Variants in SHANK2 observed in about 807,000 individuals in gnomAD.
SHANK2 encodes the protein SH3 and multiple ankyrin repeat domains 2.
SHANK2 carries 43 observed loss-of-function variants against 133.7 expected under a neutral mutation model. That is an observed-to-expected ratio of 0.32 (90% CI 0.25 to 0.41). The LOEUF is 0.41. SHANK2 is among the 10% of genes least tolerant of loss of function. The pLI is 1.00. For missense variants in SHANK2, 1,994 were observed against 2,235.8 expected (o/e 0.89, Z 2.18); for synonymous variants, 1,017 against 952.8 (o/e 1.07, Z -1.24).
intron 15 of SHANK2, among the ~76,000 whole-genome samples, chr11:70,671,357 G>A (rs550848646): frequency 1.3e-5 from 2 of 152,150 alleles, no homozygotes; most frequent in South Asian, 2.1e-4. Context: ...CCAAACCAGC[G>A]CCACGCCCCT....
chr11:71,097,210 C>T, intron 6 of SHANK2, among the ~76,000 whole-genome samples: 1 of 152,244 alleles, frequency 6.6e-6, no homozygotes, highest in African/African-American at 2.4e-5. Flanking sequence ...CAGGAGACCC[C>T]CTCTTCCCGC....
intron 8 of SHANK2, among the ~76,000 whole-genome samples, chr11:71,091,846 G>A (rs1352039127): frequency 1.3e-5 from 2 of 152,152 alleles, no homozygotes; most frequent in Non-Finnish European, 2.9e-5. Context: ...TCTTCTATGG[G>A]GTCCTCAGCC....
chr11:70,700,011 C>A (rs1189999061), intron 14 of SHANK2, among the ~76,000 whole-genome samples: 2 of 152,234 alleles, frequency 1.3e-5, no homozygotes, highest in African/African-American at 4.8e-5. Context: ...CTCTGAGACC[C>A]TGGGGTCAAC....
intron 8 of SHANK2, among the ~76,000 whole-genome samples, chr11:71,077,676 C>T (rs972261602): frequency 6.8e-4 from 104 of 152,096 alleles, no homozygotes; most frequent in African/African-American, 2.4e-3. Context: ...GCACGGAGCT[C>T]ACACCTGCTG....
chr11:71,167,513 C>G (rs1953185915), intron 2 of SHANK2, among the ~76,000 whole-genome samples: 1 of 138,726 alleles, frequency 7.2e-6, no homozygotes, highest in African/African-American at 2.8e-5. Flanking sequence ...CCCTCACCTC[C>G]CAGACAGGGC....
chr11:70,469,971 T>C lies in SHANK2; in HGVS notation c.*2898A>G, dbSNP rs2058578474. 1 of 152,646 alleles carries C rather than the reference T, an allele frequency of 6.6e-6. No individual in the cohort carries two copies. Among genetic ancestry groups the C allele is most frequent in the Non-Finnish European group, 1.5e-5 (1 of 68,048 alleles). The allele number at this position is 152,646 out of a possible 1,614,324, so 9.5% of individuals were successfully genotyped here. On this transcript the variant is annotated 3_prime_UTR_variant, in exon 26 of 26. Transcript: ENST00000601538. ...AGAAACTAGGCATGTAAATGCAGTT[T>C]ATTTAAATTACAGTATGTAACAAAA...
intron 14 of SHANK2, among the ~76,000 whole-genome samples, chr11:70,737,296 G>T (rs1357753136): frequency 6.6e-6 from 1 of 152,232 alleles, no homozygotes; most frequent in East Asian, 1.9e-4. Context: ...CAAGGAAGAT[G>T]CATTCACCTG....
In SHANK2 at chr11:70,485,448, A is replaced by G; in HGVS notation, c.4845T>C (p.Ile1615=). ...WGDVTEIKSP[I]LSGPKANVIS... ...TAACGTTTGCCTTTGGGCCTGAGAGAATCGGGCTTTTGATCTCTGTGACGT... is the reference window on the plus strand; with the variant it reads ...TAACGTTTGCCTTTGGGCCTGAGAGGATCGGGCTTTTGATCTCTGTGACGT... Residue 1615 remains isoleucine (I), a synonymous_variant, in exon 25 of 26, where the codon ATT becomes ATC. Transcript: ENST00000601538. The surrounding 1 kb of genome is among the most constrained non-coding windows in gnomAD (Gnocchi z 5.8). 6.2e-7 allele frequency: 1 copy of G among 1,613,882 alleles called. No homozygotes were observed. The highest frequency in any genetic ancestry group is 8.5e-7 in the Non-Finnish European group (1 of 1,179,994).
rs2058586678 is a variant in SHANK2 at position 70,470,611 on chromosome 11, T to TAAA, written c.*2255_*2257dup. The TAAA allele has an allele frequency of 6.6e-6, 1 of 152,604 alleles. No homozygotes were observed. The allele number at this position is 152,604 out of a possible 1,614,324, so 9.5% of individuals were successfully genotyped here. ...GCCAAACCACCATTTTTACATTTTC[T>TAAA]AAAATATGGGGCAGCCTCAGCAGGC... On this transcript the variant is annotated 3_prime_UTR_variant, in exon 26 of 26. Coordinates refer to ENST00000601538, the MANE Select transcript of SHANK2 (RefSeq NM_012309.5).
chr11:70,551,897 TG>T (rs1554978168), intron 17 of SHANK2, among the ~76,000 whole-genome samples: 2 of 152,178 alleles, frequency 1.3e-5, no homozygotes, highest in African/African-American at 4.8e-5. Flanking sequence ...GCCTTGAGGC[TG>T]GAGGGCTGGG....
At chr11:70,746,123 C>T (rs1347520665) in intron 14 of SHANK2, among the ~76,000 whole-genome samples, 3 of 152,346 alleles carry the variant, frequency 2.0e-5, no homozygotes, top group African/African-American at 7.2e-5. Flanking sequence ...CACACCCACG[C>T]TTCAAAGGTG....
intron 10 of SHANK2, among the ~76,000 whole-genome samples, chr11:70,906,648 C>A (rs1222866450): frequency 6.6e-6 from 1 of 152,196 alleles, no homozygotes; most frequent in Non-Finnish European, 1.5e-5. Flanking sequence ...GGGATGTCCC[C>A]GTCTTTGTTT....
At chr11:71,218,497 A>G (rs1343533032) in intron 2 of SHANK2, among the ~76,000 whole-genome samples, 1 of 152,092 alleles carries the variant, frequency 6.6e-6, no homozygotes, top group African/African-American at 2.4e-5. Context: ...TCCCGACATC[A>G]GGTGATCCAC....
At chr11:70,571,889 T>A (rs922182475) in intron 17 of SHANK2, among the ~76,000 whole-genome samples, 1 of 152,092 alleles carries the variant, frequency 6.6e-6, no homozygotes, top group African/African-American at 2.4e-5. Context: ...GTGGGCTGAA[T>A]GTCCATGTCT....
At position 70,569,667 on chromosome 11, in the gene SHANK2, G is replaced by A. The variant is rs1007658777; in HGVS notation, c.2062-66736C>T. Among the ~76,000 whole-genome samples the A allele has an allele frequency of 7.2e-5, 11 of 152,202 alleles. No individual in the cohort carries two copies. The highest frequency in any genetic ancestry group is 2.1e-4 in the South Asian group (1 of 4,818). ...CAGTCCTGGCCAATCAGGGGTTCCC[G>A]TTTCCCAGGCCACAGTGATTGGTTG... On this transcript the variant is annotated intron_variant, in intron 17 of 25. Transcript: ENST00000601538. This position sits in a 1 kb window ranked among gnomAD's most constrained non-coding sequence, Gnocchi z 5.1.
At chr11:70,854,818 C>A (rs145218288) in intron 11 of SHANK2, among the ~76,000 whole-genome samples, 1 of 152,348 alleles carries the variant, frequency 6.6e-6, no homozygotes, top group East Asian at 1.9e-4. Context: ...GCCCCATGGC[C>A]TCTGGGGTCC....
chr11:71,112,562 C>T (rs782382010), intron 5 of SHANK2, among the ~76,000 whole-genome samples: 5 of 152,144 alleles, frequency 3.3e-5, no homozygotes, highest in Non-Finnish European at 5.9e-5. Flanking sequence ...CAGGCAGCTG[C>T]CCGGACTCTC....
Position 70,907,412 on chromosome 11 carries a change from G to T in SHANK2, c.1108-10845C>A, listed in dbSNP as rs148247512. On this transcript the variant is annotated intron_variant, in intron 10 of 25. Coordinates refer to ENST00000601538, the MANE Select transcript of SHANK2 (RefSeq NM_012309.5). The stretch of plus-strand genomic sequence containing the variant: ...GGTGGTCAGGACCACAGGCTTGGAC[G>T]TTGGACAGCCCCAGAGGGAGCCTTC... 6.2e-3 allele frequency among the ~76,000 whole-genome samples: 942 copies of T among 152,312 alleles called. 4 individuals are homozygous for T. The highest frequency in any genetic ancestry group is 0.025 in the South Asian group (121 of 4,824).
chr11:70,513,480 T>TAACA, intron 17 of SHANK2, among the ~76,000 whole-genome samples: 1 of 152,284 alleles, frequency 6.6e-6, no homozygotes, highest in South Asian at 2.1e-4. Context: ...ACAAAAACAT[T>TAACA]AACACCCATC....
Sources: gnomAD v4.1 joint callset for allele counts (sites outside exome capture counted in the v4.1 genomes callset) on GRCh38, gnomAD v4.1.1 for gene constraint, Gnocchi (gnomAD v3.1) non-coding constraint, MANE v1.5 for transcripts, NCBI Gene and HGNC (gene_info 2026-07-23, HGNC 2026-07-21) for gene names.